Variants in PRPF3 observed in about 807,000 individuals in gnomAD.
PRPF3 encodes pre-mRNA processing factor 3, also known as U4/U6 small nuclear ribonucleoprotein Prp3.
PRPF3 carries 3 observed loss-of-function variants against 89.2 expected under a neutral mutation model. That is an observed-to-expected ratio of 0.03 (90% confidence interval 0.02 to 0.09). PRPF3 has a LOEUF of 0.09. Ranked by LOEUF, PRPF3 falls within the 10% of genes least tolerant of loss-of-function variation. The pLI is 1.00. For missense variants in PRPF3, 463 were observed against 828.8 expected (o/e 0.56, Z 5.42); for synonymous variants, 270 against 289.1 (o/e 0.93, Z 0.67).
intron 1 of PRPF3, 34 bp from the exon 2 acceptor site, chr1:150,324,861 C>T (rs1465367629): frequency 6.5e-7 from 1 of 1,528,664 alleles, no homozygotes; most frequent in African/African-American, 1.5e-5. Context: ...TTAGTCTTTT[C>T]TTATTCTCTA....
At position 150,352,872 on chromosome 1, in the gene PRPF3, A is replaced by G; in HGVS notation, c.1945A>G (p.Lys649Glu). 1 of 1,614,216 alleles carries G rather than the reference A, an allele frequency of 6.2e-7. No individual in the cohort carries two copies. The change falls in exon 16 of 16, where the codon AAA becomes GAA. Residue 649 changes from lysine (K) to glutamate (E), a missense_variant. Lys to Glu is a moderately conservative substitution (Grantham distance 56). This residue lies in a region of PRPF3 where 78 missense variants were observed against 96.6 expected (regional missense o/e 0.81). Coordinates refer to ENST00000324862, the MANE Select transcript of PRPF3 (RefSeq NM_004698.4). ...CCGGAGCTTTGGAGAGATGAAGTTT[A>G]AACAGTGTCCTACAGAGAACATGGC... ...KDRSFGEMKF[K>E]QCPTENMARE...
intron 6 of PRPF3, among the ~76,000 whole-genome samples, chr1:150,334,447 T>C (rs1300545273): frequency 6.6e-6 from 1 of 152,036 alleles, no homozygotes; most frequent in East Asian, 1.9e-4. Context: ...CTGCAACCTC[T>C]GCCTCCCAGG....
In PRPF3 at chr1:150,332,774, T is replaced by C. The variant is rs1656553973; in HGVS notation, c.507+7T>C. ...TAGCCCCCCTACACCTCAGGTATTG[T>C]GTCTAGATTACTCTGAACAGAATAA... On this transcript the variant is annotated splice_region_variant and intron_variant, in intron 5 of 15. Coordinates refer to ENST00000324862, the MANE Select transcript of PRPF3 (RefSeq NM_004698.4). The C allele has an allele frequency of 6.2e-7, 1 of 1,613,426 alleles. No homozygotes were observed. The highest frequency in any genetic ancestry group is 8.5e-7 in the Non-Finnish European group (1 of 1,179,492).
chr1:150,343,246 AAAATAT>A lies in PRPF3; in HGVS notation c.1283-61_1283-56del, dbSNP rs1280802115. 9.1e-4 allele frequency: 365 copies of A among 399,146 alleles called. 1 individual carries two copies. Among genetic ancestry groups the A allele is most frequent in the African/African-American group, 3.6e-3 (104 of 28,844 alleles). The allele number at this position is 399,146 out of a possible 1,614,324, so 24.7% of individuals were successfully genotyped here. ...GACAGAGTGAGAGAGAGAAAAAAAAAAAATATATATATATATATATGTATTCTTACT... is the reference window on the plus strand; with the variant it reads ...GACAGAGTGAGAGAGAGAAAAAAAAAATATATATATATATGTATTCTTACT... On this transcript the variant is annotated intron_variant, in intron 9 of 15. Transcript: ENST00000324862.
Position 150,325,780 on chromosome 1 carries a change from A to G in PRPF3, c.175A>G (p.Thr59Ala), listed in dbSNP as rs1553863590. 2 of 1,613,462 alleles carry G rather than the reference A, an allele frequency of 1.2e-6. No homozygotes were observed. The highest frequency in any genetic ancestry group is 1.7e-5 in the Admixed American group (1 of 59,960). The change falls in exon 3 of 16, where the codon ACT (threonine) becomes GCT (alanine). Residue 59 changes from threonine (T) to alanine (A), a missense_variant. Transcript: ENST00000324862. Reference protein sequence around the residue: ...DHLKPFLDDSTLRFVDKLFEA... With the variant: ...DHLKPFLDDSALRFVDKLFEA... ...TCTGAAACCTTTTCTTGATGATTCT[A>G]CTCTCCGATTTGTGGACAAACTGTT...
chr1:150,344,594 ATTTTCC>A lies in PRPF3; in HGVS notation c.1640+48_1640+53del, dbSNP rs587636778. ...AACTTCCCCTTAGAATTACTAAAAC[ATTTTCC>A]AAGTGCTTGAGGCAGAATCATTGTG... On this transcript the variant is annotated intron_variant, in intron 12 of 15. Coordinates refer to ENST00000324862, the MANE Select transcript of PRPF3 (RefSeq NM_004698.4). 1.4e-4 allele frequency: 226 copies of A among 1,592,552 alleles called. 1 individual carries two copies. The African/African-American group carries it at 3.0e-3, about 21-fold the overall frequency.
At chr1:150,339,744 T>TG (rs1657482525) in intron 8 of PRPF3, among the ~76,000 whole-genome samples, 1 of 148,964 alleles carries the variant, frequency 6.7e-6, no homozygotes, top group African/African-American at 2.5e-5. Context: ...GGCGTTTTTT[T>TG]TTTTTTTTTT....
intron 3 of PRPF3, among the ~76,000 whole-genome samples, chr1:150,326,316 A>G (rs1317603384): frequency 6.6e-6 from 1 of 152,196 alleles, no homozygotes; most frequent in Non-Finnish European, 1.5e-5. Context: ...GCACTTGTAG[A>G]TAGAATACCA....
intron 1 of PRPF3, among the ~76,000 whole-genome samples, chr1:150,324,589 C>T (rs1426537428): frequency 2.1e-5 from 3 of 144,076 alleles, no homozygotes; most frequent in East Asian, 4.1e-4. Flanking sequence ...CTTGCTTTGT[C>T]GCCCAGGCTG....
intron 8 of PRPF3, among the ~76,000 whole-genome samples, chr1:150,338,760 C>A (rs1387946215): frequency 6.6e-6 from 1 of 152,094 alleles, no homozygotes; most frequent in African/African-American, 2.4e-5. Flanking sequence ...GGTGATCCGC[C>A]CACCTTAGCC....
intron 13 of PRPF3, 68 bp from the exon 14 acceptor site, chr1:150,346,340 A>G (rs941590638): frequency 8.1e-6 from 12 of 1,482,552 alleles, no homozygotes; most frequent in Admixed American, 5.1e-5. Flanking sequence ...TTAATGTCTG[A>G]GCTCAGAGGT....
At chr1:150,340,612 C>A in intron 9 of PRPF3, 135 bp downstream of exon 9, 1 of 737,850 alleles carries the variant, frequency 1.4e-6, no homozygotes, top group Non-Finnish European at 2.4e-6. Context: ...TTTTTTAATT[C>A]AGTTTTTTTC....
intron 7 of PRPF3, among the ~76,000 whole-genome samples, chr1:150,337,075 G>A (rs1278169787): frequency 4.1e-5 from 5 of 121,400 alleles, no homozygotes; most frequent in Admixed American, 2.3e-4. Flanking sequence ...GTCTCGCTCT[G>A]TCACCCAGGC....
intron 3 of PRPF3, among the ~76,000 whole-genome samples, chr1:150,326,231 G>A (rs1374274381): frequency 6.6e-6 from 1 of 152,052 alleles, no homozygotes; most frequent in Non-Finnish European, 1.5e-5. Flanking sequence ...CTAATAAGTT[G>A]TTTTAGAATG....
At chr1:150,336,794 T>C (rs1258768954) in intron 7 of PRPF3, among the ~76,000 whole-genome samples, 2 of 151,258 alleles carry the variant, frequency 1.3e-5, no homozygotes, top group Non-Finnish European at 2.9e-5. Flanking sequence ...TAATACATAA[T>C]TTTTTTAGCA....
chr1:150,337,157 G>C (rs1553868125), intron 7 of PRPF3, among the ~76,000 whole-genome samples: 1 of 148,994 alleles, frequency 6.7e-6, no homozygotes. Flanking sequence ...TCCTGCCTCA[G>C]CCTGCTGAGT....
chr1:150,338,137 G>A, intron 7 of PRPF3, 23 bp from the exon 8 acceptor site: 2 of 1,611,882 alleles, frequency 1.2e-6, no homozygotes, highest in Non-Finnish European at 8.5e-7. Flanking sequence ...TTATCTTTCT[G>A]TCTTGGATTA....
chr1:150,332,917 G>A, intron 5 of PRPF3, 62 bp from the exon 6 acceptor site: 10 of 1,521,292 alleles, frequency 6.6e-6, no homozygotes, highest in South Asian at 1.1e-5. Context: ...ATATCTGTGT[G>A]TATGTATGTG....
intron 9 of PRPF3, among the ~76,000 whole-genome samples, chr1:150,341,854 C>T (rs1220075722): frequency 6.6e-6 from 1 of 151,508 alleles, no homozygotes; most frequent in Non-Finnish European, 1.5e-5. Context: ...TAGGTGCCTG[C>T]CACCACACCT....
Sources: gnomAD v4.1 joint callset for allele counts (sites outside exome capture counted in the v4.1 genomes callset) on GRCh38, gnomAD v4.1.1 for gene constraint, gnomAD v4.1.1 regional missense constraint, MANE v1.5 for transcripts, NCBI Gene and HGNC (gene_info 2026-07-23, HGNC 2026-07-21) for gene names.